The following NRG1 variants were observed in gnomAD, a reference collection of about 807,000 sequenced individuals.
NRG1 encodes the protein neuregulin 1, also known as pro-neuregulin-1, membrane-bound isoform.
A neutral mutation model predicts 63.8 loss-of-function variants in NRG1; 18 were observed. The ratio of observed to expected loss-of-function variants is 0.28; its 90% CI spans 0.19 to 0.42. The LOEUF (loss-of-function observed/expected upper bound fraction) is 0.42, where lower values mean the gene tolerates loss of function less well. Ranked by LOEUF, NRG1 falls within the 10% of genes least tolerant of loss-of-function variation. The pLI is 1.00. For missense variants in NRG1, 762 were observed against 814.7 expected, an observed-to-expected ratio of 0.94 and a Z score of 0.79; for synonymous variants, 302 against 301.3, an observed-to-expected ratio of 1.00 and a Z score of -0.02.
intron 1 of NRG1, among the ~76,000 whole-genome samples, chr8:31,972,531 C>T (rs1170156600): frequency 1.3e-5 from 2 of 152,184 alleles, no homozygotes; most frequent in Admixed American, 6.5e-5. Context: ...GTACTTCTAA[C>T]TTTGAGCCTT....
chr8:32,449,458 A>C (rs530952429), intron 1 of NRG1, among the ~76,000 whole-genome samples: 1 of 152,068 alleles, frequency 6.6e-6, no homozygotes, highest in Non-Finnish European at 1.5e-5. Flanking sequence ...ACTTAACTCC[A>C]AAATTGCTGT....
chr8:32,190,271 A>G (rs1320130134), intron 1 of NRG1, among the ~76,000 whole-genome samples: 1 of 151,814 alleles, frequency 6.6e-6, no homozygotes, highest in Non-Finnish European at 1.5e-5. Flanking sequence ...CACTCTTTAT[A>G]ATAAAGGAGA....
chr8:32,158,040 G>C (rs1838337015), intron 1 of NRG1, among the ~76,000 whole-genome samples: 1 of 152,168 alleles, frequency 6.6e-6, no homozygotes, highest in Admixed American at 6.5e-5. Flanking sequence ...CTGTCTTCAA[G>C]TAGCATTTGC....
chr8:31,864,538 G>A (rs1436149730), intron 1 of NRG1, among the ~76,000 whole-genome samples: 1 of 152,150 alleles, frequency 6.6e-6, no homozygotes, highest in Non-Finnish European at 1.5e-5. Flanking sequence ...TTGAAGCCTT[G>A]AGGCAGGGGG....
intron 1 of NRG1, among the ~76,000 whole-genome samples, chr8:32,173,218 G>A (rs1367060507): frequency 1.3e-5 from 2 of 152,030 alleles, no homozygotes; most frequent in African/African-American, 4.8e-5. Flanking sequence ...TTTCAACCCA[G>A]AATTTCATAT....
At chr8:32,748,506 G>C (rs1434854109) in intron 7 of NRG1, among the ~76,000 whole-genome samples, 1 of 151,698 alleles carries the variant, frequency 6.6e-6, no homozygotes, top group Non-Finnish European at 1.5e-5. Context: ...ATTTTTTTGG[G>C]GGGCTTGTTT....
At chr8:31,994,359 A>C (rs924179610) in intron 1 of NRG1, among the ~76,000 whole-genome samples, 6 of 151,910 alleles carry the variant, frequency 3.9e-5, no homozygotes, top group African/African-American at 1.4e-4. Flanking sequence ...ACAGGTTAGA[A>C]GAAGTCTCCT....
At chr8:31,716,243 A>G (rs1812336077) in intron 1 of NRG1, among the ~76,000 whole-genome samples, 2 of 152,088 alleles carry the variant, frequency 1.3e-5, no homozygotes, top group African/African-American at 4.8e-5. Flanking sequence ...GGTTGTTGTT[A>G]TTATTGTTTG....
chr8:32,118,817 C>A (rs1412187816), intron 1 of NRG1, among the ~76,000 whole-genome samples: 1 of 152,034 alleles, frequency 6.6e-6, no homozygotes, highest in African/African-American at 2.4e-5. Context: ...GTTTCACCGT[C>A]CTTTGAAGTG....
chr8:32,068,820 A>G (rs1041499718), intron 1 of NRG1, among the ~76,000 whole-genome samples: 5 of 152,230 alleles, frequency 3.3e-5, no homozygotes, highest in Admixed American at 1.3e-4. Context: ...ACCGTTAGCT[A>G]CGTAACTAAG....
At chr8:32,110,458 T>C (rs1329690218) in intron 1 of NRG1, among the ~76,000 whole-genome samples, 1 of 152,122 alleles carries the variant, frequency 6.6e-6, no homozygotes, top group Non-Finnish European at 1.5e-5. Context: ...AAATCACCAG[T>C]TATTTTCTTC....
intron 1 of NRG1, among the ~76,000 whole-genome samples, chr8:32,262,501 C>G (rs145919494): frequency 5.3e-5 from 8 of 152,288 alleles, no homozygotes; most frequent in African/African-American, 1.9e-4. Flanking sequence ...CAACCGCAGA[C>G]ACCTCATTTT....
chr8:31,852,926 T>C (rs1411246414), intron 1 of NRG1, among the ~76,000 whole-genome samples: 1 of 152,078 alleles, frequency 6.6e-6, no homozygotes, highest in Non-Finnish European at 1.5e-5. Flanking sequence ...GTTGTAGATA[T>C]GTGGCGTTAT....
At chr8:32,183,612 A>G (rs1267277146) in intron 1 of NRG1, among the ~76,000 whole-genome samples, 1 of 152,234 alleles carries the variant, frequency 6.6e-6, no homozygotes, top group African/African-American at 2.4e-5. Context: ...CTCACAAAAC[A>G]GGAATCAACC....
At chr8:32,297,985 G>A (rs747301441) in intron 1 of NRG1, among the ~76,000 whole-genome samples, 33 of 152,310 alleles carry the variant, frequency 2.2e-4, no homozygotes, top group Admixed American at 6.5e-4. Flanking sequence ...TTATTTTTAA[G>A]TGATTAGAAC....
chr8:32,319,707 C>G (rs887230505), intron 1 of NRG1, among the ~76,000 whole-genome samples: 2 of 151,690 alleles, frequency 1.3e-5, no homozygotes, highest in Non-Finnish European at 2.9e-5. Context: ...AATTATTATA[C>G]CAAGAAAGGA....
chr8:32,351,345 C>T (rs1288994756), intron 1 of NRG1, among the ~76,000 whole-genome samples: 1 of 152,128 alleles, frequency 6.6e-6, no homozygotes, highest in African/African-American at 2.4e-5. Flanking sequence ...GATCCATAAA[C>T]CCTGATATTG....
intron 1 of NRG1, among the ~76,000 whole-genome samples, chr8:32,092,461 CAAAAAAA>C (rs71208167): frequency 1.2e-5 from 1 of 83,700 alleles, no homozygotes; most frequent in Admixed American, 1.5e-4. Flanking sequence ...GACCCTGTCT[CAAAAAAA>C]AAAAAAAAAA....
chr8:31,954,813 T>C (rs1804093292), intron 1 of NRG1, among the ~76,000 whole-genome samples: 1 of 152,206 alleles, frequency 6.6e-6, no homozygotes, highest in African/African-American at 2.4e-5. Context: ...CCTAGAGATC[T>C]GTCAATTCAC....
Sources: gnomAD v4.1 joint callset for allele counts (sites outside exome capture counted in the v4.1 genomes callset) on GRCh38, gnomAD v4.1.1 for gene constraint, MANE v1.5 for transcripts, NCBI Gene and HGNC (gene_info 2026-07-23, HGNC 2026-07-21) for gene names.